Variants in RALB observed in about 807,000 individuals in gnomAD.
The protein encoded by RALB is ras-related protein Ral-B.
In RALB, 16 loss-of-function variants were observed where a neutral mutation model predicts 21.3. The ratio of observed to expected loss-of-function variants is 0.75; its 90% CI spans 0.51 to 1.14. The LOEUF is 1.14. RALB is among the 50% of genes most tolerant of loss of function. RALB has a pLI of 0.00. For missense variants in RALB, 161 were observed against 256.2 expected (o/e 0.63, Z 2.54); for synonymous variants, 93 against 96.1 (o/e 0.97, Z 0.19).
At chr2:120,257,258 C>G (rs1689222613) in intron 1 of RALB, among the ~76,000 whole-genome samples, 1 of 152,200 alleles carries the variant, frequency 6.6e-6, no homozygotes, top group Non-Finnish European at 1.5e-5. Flanking sequence ...TTTGGGGAAC[C>G]TAAACCCTCT....
At chr2:120,279,990 A>G (rs1015662313) in intron 2 of RALB, among the ~76,000 whole-genome samples, 2 of 152,154 alleles carry the variant, frequency 1.3e-5, no homozygotes, top group African/African-American at 4.8e-5. Context: ...TGTGGCGATT[A>G]TCGCTGGCTG....
At chr2:120,260,113 G>A (rs1412049896) in intron 1 of RALB, among the ~76,000 whole-genome samples, 1 of 152,212 alleles carries the variant, frequency 6.6e-6, no homozygotes, top group Admixed American at 6.5e-5. Flanking sequence ...ACACAGCCCC[G>A]GTTCCTGCTC....
chr2:120,290,981 C>T (rs1268964004), intron 4 of RALB, among the ~76,000 whole-genome samples: 1 of 152,176 alleles, frequency 6.6e-6, no homozygotes, highest in African/African-American at 2.4e-5. Context: ...CATCTGAATC[C>T]CCTATATCCT....
intron 1 of RALB, among the ~76,000 whole-genome samples, chr2:120,268,674 AAAAT>A (rs1299180980): frequency 6.6e-6 from 1 of 152,202 alleles, no homozygotes; most frequent in Non-Finnish European, 1.5e-5. Flanking sequence ...AACCTATCCT[AAAAT>A]AAATAATTAA....
chr2:120,285,841 T>G, intron 2 of RALB, 33 bp from the exon 3 acceptor site: 1 of 1,588,078 alleles, frequency 6.3e-7, no homozygotes, highest in Non-Finnish European at 8.6e-7. Flanking sequence ...CCCTTAAGAC[T>G]TTGTTAATTA....
intron 4 of RALB, among the ~76,000 whole-genome samples, chr2:120,292,171 C>T (rs1196592114): frequency 1.3e-5 from 2 of 152,196 alleles, no homozygotes; most frequent in African/African-American, 2.4e-5. Context: ...GGACAAGTCT[C>T]ATCAGTTCTT....
At chr2:120,292,094 G>GTGCAGT (rs1403689744) in intron 4 of RALB, among the ~76,000 whole-genome samples, 1 of 152,198 alleles carries the variant, frequency 6.6e-6, no homozygotes, top group Non-Finnish European at 1.5e-5. Flanking sequence ...GCTGGTAGCA[G>GTGCAGT]AGGGCAAAAC....
intron 1 of RALB, among the ~76,000 whole-genome samples, chr2:120,257,480 C>T (rs756966301): frequency 1.7e-4 from 26 of 150,668 alleles, no homozygotes; most frequent in Non-Finnish European, 3.1e-4. Context: ...ACCTCTAAGT[C>T]CCTTCCATCT....
intron 1 of RALB, among the ~76,000 whole-genome samples, 158 bp downstream of exon 1, chr2:120,253,138 C>T (rs549964581): frequency 7.2e-5 from 11 of 152,124 alleles, no homozygotes; most frequent in Non-Finnish European, 4.4e-5. Flanking sequence ...GGCGACGCCC[C>T]GGCAGCGGCC....
intron 3 of RALB, among the ~76,000 whole-genome samples, chr2:120,288,489 T>C (rs1690227062): frequency 6.6e-6 from 1 of 151,932 alleles, no homozygotes; most frequent in African/African-American, 2.4e-5. Context: ...CTAGAAAATA[T>C]TTTTATTATT....
chr2:120,248,093 A>G (rs1244419286), upstream of RALB, among the ~76,000 whole-genome samples: 1 of 152,212 alleles, frequency 6.6e-6, no homozygotes, highest in Non-Finnish European at 1.5e-5. Flanking sequence ...AGAAGGGCCG[A>G]GGGCAAGCTC....
At chr2:120,253,652 G>T in intron 1 of RALB, 1 of 985,482 alleles carries the variant, frequency 1.0e-6, no homozygotes, top group Non-Finnish European at 1.2e-6. Flanking sequence ...AGCTTGCTGC[G>T]TCCACACTGC....
At chr2:120,263,711 G>A (rs912144787) in intron 1 of RALB, among the ~76,000 whole-genome samples, 1 of 151,692 alleles carries the variant, frequency 6.6e-6, no homozygotes, top group African/African-American at 2.4e-5. Flanking sequence ...TGTATTTTTG[G>A]TAGAGATGGG....
At chr2:120,244,741 G>A (rs1406793338) in intron 1 of RALB, among the ~76,000 whole-genome samples, 3 of 152,218 alleles carry the variant, frequency 2.0e-5, no homozygotes, top group Non-Finnish European at 2.9e-5. Flanking sequence ...CAGCTGCTAG[G>A]AGGGATGAAA....
chr2:120,240,815 G>T (rs946485759), intron 1 of RALB, among the ~76,000 whole-genome samples: 1 of 152,180 alleles, frequency 6.6e-6, no homozygotes, highest in African/African-American at 2.4e-5. Flanking sequence ...TCAGTGTGAG[G>T]TTGGCTTCTG....
rs958620702 is a variant in RALB at position 120,294,043 on chromosome 2, T to C, written c.*783T>C. Reference sequence around the variant, plus strand: ...ACACACATTGCCACTTGTGTAGATATTTTTAAGTTCTTTGGCTAAGTCCTC... The same window carrying C: ...ACACACATTGCCACTTGTGTAGATACTTTTAAGTTCTTTGGCTAAGTCCTC... On this transcript the variant is annotated 3_prime_UTR_variant, in exon 5 of 5. Transcript: ENST00000272519. 16 of 397,872 alleles carry C rather than the reference T, an allele frequency of 4.0e-5. No homozygotes were observed. Among genetic ancestry groups the C allele is most frequent in the Middle Eastern group, 6.2e-4 (1 of 1,610 alleles). The allele number at this position is 397,872 out of a possible 1,614,324, so 24.6% of individuals were successfully genotyped here.
chr2:120,286,935 A>G (rs939447143), intron 3 of RALB, among the ~76,000 whole-genome samples: 1 of 152,080 alleles, frequency 6.6e-6, no homozygotes, highest in Non-Finnish European at 1.5e-5. Context: ...CCTTTTGGGC[A>G]TAATTCTTAT....
chr2:120,246,903 G>A (rs1688980335), intron 1 of RALB, among the ~76,000 whole-genome samples: 1 of 152,228 alleles, frequency 6.6e-6, no homozygotes, highest in Non-Finnish European at 1.5e-5. Context: ...GGGGAGGGAG[G>A]GAGGGGCTGA....
At chr2:120,253,041 C>T in intron 1 of RALB, 61 bp downstream of exon 1, 1 of 918,024 alleles carries the variant, frequency 1.1e-6, no homozygotes. Flanking sequence ...GAGTGGGGTA[C>T]GCCGCACGCC....
Sources: gnomAD v4.1 joint callset for allele counts (sites outside exome capture counted in the v4.1 genomes callset) on GRCh38, gnomAD v4.1.1 for gene constraint, MANE v1.5 for transcripts, NCBI Gene and HGNC (gene_info 2026-07-23, HGNC 2026-07-21) for gene names.